LRRC45: variants seen among roughly 807,000 people sequenced by gnomAD.
The protein encoded by LRRC45 is leucine rich repeat containing 45.
Under a neutral mutation model 85.4 loss-of-function variants are expected in LRRC45, and 73 were observed. The observed-to-expected ratio is 0.85, with a 90% CI of 0.71 to 1.04. The LOEUF is 1.04. LRRC45 is among the 50% of genes least tolerant of loss of function. The pLI is 0.00. For missense variants in LRRC45, 937 were observed against 883.3 expected, an observed-to-expected ratio of 1.06 and a Z score of -0.77; for synonymous variants, 429 against 386.0, an observed-to-expected ratio of 1.11 and a Z score of -1.31.
At chr17:82,027,783 A>C in intron 8 of LRRC45, 32 bp downstream of exon 8, 1 of 1,602,114 alleles carries the variant, frequency 6.2e-7, no homozygotes, top group Non-Finnish European at 8.5e-7. Context: ...GATACTTCAG[A>C]GACGTGCCCA....
At chr17:82,025,305 G>A in intron 4 of LRRC45, 74 bp from the exon 5 acceptor site, 1 of 1,528,976 alleles carries the variant, frequency 6.5e-7, no homozygotes, top group Non-Finnish European at 8.8e-7. Flanking sequence ...GTGCCCCCTA[G>A]GGAAGCACCC....
intron 6 of LRRC45, 133 bp downstream of exon 6, chr17:82,027,144 AC>A: frequency 2.2e-6 from 2 of 904,532 alleles, no homozygotes; most frequent in Non-Finnish European, 3.4e-6. Flanking sequence ...AGTGGCTGGT[AC>A]CAGGAAGGAG....
At position 82,026,959 on chromosome 17, in the gene LRRC45, C is replaced by T; in HGVS notation, c.722C>T (p.Thr241Ile). 1 of 1,608,268 alleles carries T rather than the reference C, an allele frequency of 6.2e-7. No individual in the cohort carries two copies. The highest frequency in any genetic ancestry group is 8.5e-7 in the Non-Finnish European group (1 of 1,178,924). Residue 241 changes from threonine to isoleucine, a missense_variant, in exon 6 of 17, where the codon ACT becomes ATT. By Grantham distance (89) the Thr-to-Ile change is moderately conservative. Coordinates refer to ENST00000306688, the MANE Select transcript of LRRC45 (RefSeq NM_144999.4). ...ACCTTCCAGGAGAACCAAGCCCGCACTCACGTCCTCAGCAAGGAGGTCCAG... is the reference window on the plus strand; with the variant it reads ...ACCTTCCAGGAGAACCAAGCCCGCATTCACGTCCTCAGCAAGGAGGTCCAG... ...LTTFQENQAR[T>I]HVLSKEVQHL...
intron 4 of LRRC45, 94 bp from the exon 5 acceptor site, chr17:82,025,285 C>G: frequency 3.3e-6 from 5 of 1,528,748 alleles, no homozygotes; most frequent in Non-Finnish European, 4.4e-6. Flanking sequence ...CTGTTGATGA[C>G]TGCAAGGCAG....
Position 82,028,735 on chromosome 17 carries a change from C to T in LRRC45, c.1308+52C>T, listed in dbSNP as rs752378501. 3.9e-5 allele frequency: 60 copies of T among 1,554,330 alleles called. 2 individuals carry two copies. In the South Asian group the frequency reaches 5.3e-4, roughly 14 times the overall value. ...GCCTCAGTCTCTGGTCTTGGTGTCA[C>T]GCAGGTGTCCCCAAAGCACACACCT... is the stretch of plus-strand genomic sequence containing the variant. On this transcript the variant is annotated intron_variant, in intron 12 of 16. Transcript: ENST00000306688.
intron 6 of LRRC45, 126 bp downstream of exon 6, chr17:82,027,137 G>T (rs2043375062): frequency 1.1e-6 from 1 of 934,702 alleles, no homozygotes; most frequent in Non-Finnish European, 1.6e-6. Context: ...CTCTCTGAGT[G>T]GCTGGTACCA....
At position 82,025,400 on chromosome 17, in the gene LRRC45, G is replaced by T; in HGVS notation, c.554G>T (p.Gly185Val). The change falls in exon 5 of 17, where the codon GGC (glycine) becomes GTC (valine). Residue 185 changes from glycine to valine, a missense_variant. By Grantham distance (109) the Gly-to-Val change is moderately radical. Coordinates refer to ENST00000306688, the MANE Select transcript of LRRC45 (RefSeq NM_144999.4). Reference sequence around the variant, plus strand: ...CCAGACCTGCGCTGGAATAACGTTGGCCTCCTGGGGGGCCGGGCCCTCATG... The same window carrying T: ...CCAGACCTGCGCTGGAATAACGTTGTCCTCCTGGGGGGCCGGGCCCTCATG... ...QQLDLRWNNV[G>V]LLGGRALMNC... The T allele has an allele frequency of 6.3e-7, 1 of 1,593,148 alleles. No homozygotes were observed. Among genetic ancestry groups the T allele is most frequent in the Non-Finnish European group, 8.6e-7 (1 of 1,169,046 alleles).
rs1380387615 is a variant in LRRC45, at chr17:82,030,396, G to A, written c.1746G>A (p.Arg582=). The A allele has an allele frequency of 6.5e-7, 1 of 1,549,730 alleles. No homozygotes were observed. The highest frequency in any genetic ancestry group is 1.4e-5 in the African/African-American group (1 of 73,210). Residue 582 remains arginine (R), a synonymous_variant, in exon 16 of 17, where the codon CGG becomes CGA. Transcript: ENST00000306688. ...VRVELQEQNG[R]LQAELAAQEA... is the part of the protein sequence containing the mutation. ...TGGAGCTGCAGGAGCAGAACGGCCG[G>A]CTGCAGGCGGAGCTGGCGGCTCAGG...
chr17:82,026,598 GTGACTGAGTTTCACTCAGTCACCCAGGC>G (rs1045779592), intron 5 of LRRC45, among the ~76,000 whole-genome samples: 22 of 151,668 alleles, frequency 1.5e-4, no homozygotes, highest in African/African-American at 5.1e-4. Flanking sequence ...GTGTGTGTGT[GTGACTGAGTTTCACTCAGTCACCCAGGC>G]TGGAGTGCAG....
At chr17:82,027,550 G>A (rs759862059) in intron 7 of LRRC45, 106 bp downstream of exon 7, 153 of 1,553,182 alleles carry the variant, frequency 9.9e-5, no homozygotes, top group Admixed American at 6.8e-5. Context: ...CGAGGAGGTC[G>A]CTGGAGGCTC....
rs562418645 is a variant in LRRC45 at position 82,025,060 on chromosome 17, G to C, written c.414G>C (p.Gly138=). 6.0e-5 allele frequency: 97 copies of C among 1,609,164 alleles called. No individual in the cohort carries two copies. In the African/African-American group the frequency reaches 1.1e-3, roughly 19 times the overall value. The stretch of plus-strand genomic sequence containing the variant: ...ACGATGCCTTCGCCACCTTCTGCGG[G>C]GGCCTGGCGGCCAACGGCGCCCTGC... ...TWDDAFATFC[G]GLAANGALQR... Residue 138 remains glycine, a synonymous_variant, in exon 4 of 17, where the codon GGG becomes GGC. Transcript: ENST00000306688.
intron 5 of LRRC45, among the ~76,000 whole-genome samples, chr17:82,025,783 G>A (rs1387315729): frequency 1.3e-5 from 2 of 152,218 alleles, no homozygotes; most frequent in Admixed American, 6.5e-5. Flanking sequence ...AGCTGAGGCC[G>A]TGTGGCTCAC....
In LRRC45 at chr17:82,028,626, GGAGAA is replaced by G. The variant is rs2043389597; in HGVS notation, c.1259_1263del (p.Arg420MetfsTer27). ...CTGGGCTTCCAGAGCGCCTGGACATGGAGAAGAGAAGATGCAGACAGAGCCTGGAG... is the reference window on the plus strand; with the variant it reads ...CTGGGCTTCCAGAGCGCCTGGACATGGAGAAGATGCAGACAGAGCCTGGAG... On this transcript the variant is annotated frameshift_variant, in exon 12 of 17. Transcript: ENST00000306688. LOFTEE classifies it high-confidence loss of function. 17 of 1,612,782 alleles carry G rather than the reference GGAGAA, an allele frequency of 1.1e-5. No homozygotes were observed. The highest frequency in any genetic ancestry group is 1.4e-5 in the Non-Finnish European group (17 of 1,179,968).
At chr17:82,030,532 T>A in intron 16 of LRRC45, 66 bp downstream of exon 16, 2 of 1,509,406 alleles carry the variant, frequency 1.3e-6, no homozygotes, top group South Asian at 1.2e-5. Context: ...AGAGCGGGGC[T>A]GGCCAGGTCT....
chr17:82,023,978 C>CAGGG, intron 1 of LRRC45, 115 bp downstream of exon 1: 1 of 1,006,196 alleles, frequency 9.9e-7, no homozygotes, highest in Admixed American at 2.4e-5. Context: ...GTAGTTAAAG[C>CAGGG]GAGCAGGGGC....
In LRRC45 at chr17:82,023,749, G is replaced by T. The variant is rs577055462; in HGVS notation, c.106G>T (p.Asp36Tyr). The change falls in exon 1 of 17, where the codon GAC becomes TAC. Residue 36 changes from aspartate (D) to tyrosine (Y), a missense_variant. By Grantham distance (160) the Asp-to-Tyr change is radical. Coordinates refer to ENST00000306688, the MANE Select transcript of LRRC45 (RefSeq NM_144999.4). ...QLHQLPRGRL[D>Y]LATQSLTVET... ...GCACCAGCTTCCCAGGGGCCGGCTG[G>T]ACCTGGCCACGCAAAGCCTGACGGT... 3.7e-5 allele frequency: 58 copies of T among 1,554,372 alleles called. 1 individual carries two copies. The South Asian group carries it at 6.7e-4, about 18-fold the overall frequency.
chr17:82,024,100 G>T, intron 1 of LRRC45, 178 bp from the exon 2 acceptor site: 1 of 787,340 alleles, frequency 1.3e-6, no homozygotes, highest in Non-Finnish European at 2.0e-6. Flanking sequence ...TTGGTGCCTG[G>T]CAGGGGCTGC....
Position 82,028,881 on chromosome 17 carries a change from C to T in LRRC45, c.1308+198C>T, listed in dbSNP as rs1039818854. 59 of 737,262 alleles carry T rather than the reference C, an allele frequency of 8.0e-5. No homozygotes were observed. The African/African-American group carries it at 8.2e-4, about 10-fold the overall frequency. The allele number at this position is 737,262 out of a possible 1,614,324, so 45.7% of individuals were successfully genotyped here. A position where few individuals can be genotyped will look rare whatever the true frequency, so the allele number is the denominator to read the frequency against. ...GGGGGGACCCCGGCAATGTCTGAGCCGTAGTACAGGCTGCCGTTGAAGAGA... is the reference window on the plus strand; with the variant it reads ...GGGGGGACCCCGGCAATGTCTGAGCTGTAGTACAGGCTGCCGTTGAAGAGA... On this transcript the variant is annotated intron_variant, in intron 12 of 16. Transcript: ENST00000306688.
chr17:82,028,705 A>G (rs2144147276), intron 12 of LRRC45, 22 bp downstream of exon 12: 3 of 1,600,690 alleles, frequency 1.9e-6, no homozygotes, highest in African/African-American at 1.3e-5. Flanking sequence ...GTTGGCCTCT[A>G]ATGCGCCTCA....
Sources: gnomAD v4.1 joint callset for allele counts (sites outside exome capture counted in the v4.1 genomes callset) on GRCh38, gnomAD v4.1.1 for gene constraint, MANE v1.5 for transcripts, NCBI Gene and HGNC (gene_info 2026-07-23, HGNC 2026-07-21) for gene names.